Variants in FAM120B observed in about 807,000 individuals in gnomAD.
The protein encoded by FAM120B is constitutive coactivator of peroxisome proliferator-activated receptor gamma.
In FAM120B, 83 loss-of-function variants were observed where a neutral mutation model predicts 96.3. The observed-to-expected ratio is 0.86, with a 90% CI of 0.72 to 1.03. FAM120B has a LOEUF of 1.03. FAM120B is among the 50% of genes least tolerant of loss of function. FAM120B has a pLI of 0.00. For missense variants in FAM120B, 1,027 were observed against 1,121.2 expected, an observed-to-expected ratio of 0.92 and a Z score of 1.20; for synonymous variants, 407 against 402.7, an observed-to-expected ratio of 1.01 and a Z score of -0.13.
intron 9 of FAM120B, chr6:170,404,033 T>C (rs1778710391): frequency 6.5e-6 from 1 of 153,500 alleles, no homozygotes; most frequent in Non-Finnish European, 1.4e-5. Context: ...CAGGGAACTC[T>C]GGAAGAAAAG....
At chr6:170,357,753 A>G (rs1583258436) in intron 5 of FAM120B, among the ~76,000 whole-genome samples, 1 of 152,266 alleles carries the variant, frequency 6.6e-6, no homozygotes, top group East Asian at 1.9e-4. Context: ...TGTTCTGCGG[A>G]GTTTTGCCTT....
In FAM120B at chr6:170,395,581, T is replaced by TA. The variant is rs755789764; in HGVS notation, c.2692+4dup. The TA allele has an allele frequency of 3.4e-5, 54 of 1,586,616 alleles. No homozygotes were observed. The African/African-American group carries it at 7.0e-4, about 21-fold the overall frequency. On this transcript the variant is annotated splice_region_variant and intron_variant, in intron 9 of 10. Transcript: ENST00000476287. ...AGCCGTGGAGAGACCAGGGACCAGG[T>TA]AAGAAGGCCAGTGGTCACTCTGCTG... is the stretch of plus-strand genomic sequence containing the variant.
chr6:170,318,727 G>A lies in FAM120B; in HGVS notation c.1337G>A (p.Arg446Lys), dbSNP rs1178790269. ...CCCATGTATACAGACTCTGAACCCA[G>A]GCAAGAAGTTCCCATGTATACAGGC... ...EVPMYTDSEP[R>K]QEVPMYTGSE... The change falls in exon 2 of 11, where the codon AGG becomes AAG. Residue 446 changes from arginine (R) to lysine (K), a missense_variant. Transcript: ENST00000476287. 2 of 1,593,778 alleles carry A rather than the reference G, an allele frequency of 1.3e-6. No homozygotes were observed. The highest frequency in any genetic ancestry group is 1.7e-5 in the Admixed American group (1 of 58,508).
chr6:170,355,999 TC>T (rs1253708648), intron 5 of FAM120B, among the ~76,000 whole-genome samples: 2 of 152,150 alleles, frequency 1.3e-5, no homozygotes, highest in African/African-American at 2.4e-5. Flanking sequence ...CGCCTGCTGT[TC>T]CATATGAACG....
intron 6 of FAM120B, among the ~76,000 whole-genome samples, chr6:170,374,617 G>A (rs901477134): frequency 3.3e-5 from 5 of 152,204 alleles, no homozygotes; most frequent in Admixed American, 6.5e-5. Flanking sequence ...GAATGAACAC[G>A]TCTTGTCATT....
chr6:170,389,964 C>A (rs1304944275), intron 7 of FAM120B, among the ~76,000 whole-genome samples: 1 of 152,190 alleles, frequency 6.6e-6, no homozygotes, highest in African/African-American at 2.4e-5. Flanking sequence ...CTTGAAAATA[C>A]TCCCCAAAGG....
chr6:170,376,208 A>G (rs1445089042), intron 6 of FAM120B, among the ~76,000 whole-genome samples: 14 of 152,140 alleles, frequency 9.2e-5, no homozygotes, highest in Admixed American at 9.2e-4. Context: ...AGGTTAACAG[A>G]CAAGGGGAGG....
chr6:170,361,995 T>TGTTG (rs1190887851), intron 6 of FAM120B, among the ~76,000 whole-genome samples: 3 of 152,114 alleles, frequency 2.0e-5, no homozygotes, highest in African/African-American at 7.2e-5. Flanking sequence ...GGTTTCACCA[T>TGTTG]GTTGGCCAGG....
intron 6 of FAM120B, among the ~76,000 whole-genome samples, chr6:170,384,991 A>C (rs1259133667): frequency 6.6e-6 from 1 of 152,190 alleles, no homozygotes; most frequent in East Asian, 1.9e-4. Context: ...CAGTGAACAC[A>C]CTCATCCTAA....
Position 170,397,136 on chromosome 6 carries a change from C to T in FAM120B, c.2692+1557C>T, listed in dbSNP as rs370429574. On this transcript the variant is annotated intron_variant, in intron 9 of 10. Transcript: ENST00000476287. ...CTTGGCGGATCTGTCTGCAGCTGGC[C>T]GTGCACATTAGGGCTGCTTGGGAAG... Among the ~76,000 whole-genome samples, 32 of 152,264 alleles carry T rather than the reference C, an allele frequency of 2.1e-4. No individual in the cohort carries two copies. The East Asian group carries it at 5.8e-3, about 28-fold the overall frequency.
chr6:170,332,093 A>G (rs144353131), intron 4 of FAM120B, among the ~76,000 whole-genome samples: 3 of 152,120 alleles, frequency 2.0e-5, no homozygotes, highest in Non-Finnish European at 4.4e-5. Context: ...TTCCACAGCT[A>G]TTACTCCAGA....
At chr6:170,342,458 A>G (rs1223274154) in intron 4 of FAM120B, among the ~76,000 whole-genome samples, 12 of 152,208 alleles carry the variant, frequency 7.9e-5, no homozygotes, top group Admixed American at 7.9e-4. Flanking sequence ...TAAAAAGCAC[A>G]TGTAAGTGCC....
chr6:170,326,053 T>A (rs2115048824), intron 3 of FAM120B, among the ~76,000 whole-genome samples: 1 of 152,286 alleles, frequency 6.6e-6, no homozygotes, highest in East Asian at 1.9e-4. Context: ...TTATGTCTTG[T>A]ACATATATAT....
In FAM120B at chr6:170,316,920, T is replaced by G. The variant is rs182480541; in HGVS notation, c.-21-450T>G. 3.9e-5 allele frequency among the ~76,000 whole-genome samples: 6 copies of G among 152,370 alleles called. No individual in the cohort carries two copies. The East Asian group carries it at 1.2e-3, about 29-fold the overall frequency. ...CTAGAATTTTATATAAGTTGAATCA[T>G]AGTGTGTACTTTTTTTGTCTGACTT... On this transcript the variant is annotated intron_variant, in intron 1 of 10. Coordinates refer to ENST00000476287, the MANE Select transcript of FAM120B (RefSeq NM_032448.3).
chr6:170,373,191 C>G (rs1435339250), intron 6 of FAM120B, among the ~76,000 whole-genome samples: 2 of 152,312 alleles, frequency 1.3e-5, no homozygotes, highest in African/African-American at 4.8e-5. Context: ...GGACCCTGGA[C>G]TCTATGGCCT....
rs754250090 is a variant in FAM120B, at chr6:170,361,943, A to G, written c.2283+3625A>G. Among the ~76,000 whole-genome samples the G allele has an allele frequency of 5.9e-5, 9 of 152,014 alleles. No individual in the cohort carries two copies. The South Asian group carries it at 1.5e-3, about 25-fold the overall frequency. On this transcript the variant is annotated intron_variant, in intron 6 of 10. Coordinates refer to ENST00000476287, the MANE Select transcript of FAM120B (RefSeq NM_032448.3). Reference sequence around the variant, plus strand: ...TGAGTAGTTGGGATTCCAGGCACACACCACCACACCCGGCTAATTTTTGTA... The same window carrying G: ...TGAGTAGTTGGGATTCCAGGCACACGCCACCACACCCGGCTAATTTTTGTA...
intron 5 of FAM120B, among the ~76,000 whole-genome samples, chr6:170,356,195 A>G (rs979276735): frequency 2.0e-5 from 3 of 152,140 alleles, no homozygotes; most frequent in Non-Finnish European, 2.9e-5. Flanking sequence ...TTTCCACTTT[A>G]CCTTTTTTCT....
At chr6:170,321,521 G>A (rs1785286100) in intron 2 of FAM120B, among the ~76,000 whole-genome samples, 2 of 152,148 alleles carry the variant, frequency 1.3e-5, no homozygotes, top group South Asian at 4.2e-4. Context: ...GGGACTACAG[G>A]TGCACTCCAC....
chr6:170,380,145 C>T (rs1789818461), intron 6 of FAM120B, among the ~76,000 whole-genome samples: 1 of 152,172 alleles, frequency 6.6e-6, no homozygotes, highest in Admixed American at 6.5e-5. Flanking sequence ...TAGTGTTCTG[C>T]ACTTCCATCC....
Sources: gnomAD v4.1 joint callset for allele counts (sites outside exome capture counted in the v4.1 genomes callset) on GRCh38, gnomAD v4.1.1 for gene constraint, MANE v1.5 for transcripts, NCBI Gene and HGNC (gene_info 2026-07-23, HGNC 2026-07-21) for gene names.